Variants in TMTC1 observed in about 807,000 individuals in gnomAD.
TMTC1 encodes protein O-mannosyl-transferase TMTC1.
A neutral mutation model predicts 104.8 loss-of-function variants in TMTC1; 73 were observed. That is an observed-to-expected ratio of 0.70 (90% CI 0.58 to 0.85). The LOEUF (loss-of-function observed/expected upper bound fraction) is 0.85, where lower values mean the gene tolerates loss of function less well. Ranked by LOEUF, TMTC1 falls within the 40% of genes least tolerant of loss-of-function variation. The pLI is 0.00. For missense variants in TMTC1, 1,035 were observed against 1,096.1 expected, an observed-to-expected ratio of 0.94 and a Z score of 0.79; for synonymous variants, 434 against 428.7, an observed-to-expected ratio of 1.01 and a Z score of -0.15.
At chr12:29,541,920 G>A (rs1944811660) in intron 10 of TMTC1, among the ~76,000 whole-genome samples, 1 of 152,068 alleles carries the variant, frequency 6.6e-6, no homozygotes, top group African/African-American at 2.4e-5. Context: ...GCCTCCCAAA[G>A]TACTGGGATT....
intron 7 of TMTC1, among the ~76,000 whole-genome samples, chr12:29,594,394 G>A (rs934470459): frequency 6.6e-6 from 1 of 152,164 alleles, no homozygotes; most frequent in Non-Finnish European, 1.5e-5. Flanking sequence ...GACTGCATAG[G>A]CATAGGCCTC....
At chr12:29,634,374 T>G (rs1176590292) in intron 5 of TMTC1, among the ~76,000 whole-genome samples, 5 of 152,120 alleles carry the variant, frequency 3.3e-5, no homozygotes, top group African/African-American at 1.2e-4. Flanking sequence ...AACTTTAACT[T>G]TGAGAACTGT....
chr12:29,602,345 T>G (rs980277439), intron 7 of TMTC1, among the ~76,000 whole-genome samples: 24 of 152,242 alleles, frequency 1.6e-4, no homozygotes, highest in Non-Finnish European at 2.6e-4. Context: ...GGTCTCACCA[T>G]GTTGCCCAGG....
At chr12:29,773,874 A>G (rs1463223142) in intron 1 of TMTC1, among the ~76,000 whole-genome samples, 1 of 152,122 alleles carries the variant, frequency 6.6e-6, no homozygotes, top group African/African-American at 2.4e-5. Context: ...GTCCACCTCA[A>G]TGGCAGCATC....
chr12:29,630,190 T>C (rs1461003317), intron 6 of TMTC1, among the ~76,000 whole-genome samples: 1 of 152,204 alleles, frequency 6.6e-6, no homozygotes, highest in Admixed American at 6.5e-5. Flanking sequence ...GTTTTTATGC[T>C]GCTATGAAGA....
intron 1 of TMTC1, among the ~76,000 whole-genome samples, chr12:29,777,729 AT>A (rs1943744841): frequency 6.6e-6 from 1 of 152,002 alleles, no homozygotes; most frequent in African/African-American, 2.4e-5. Context: ...TCTTTATAAA[AT>A]TTTTCTTGCC....
At chr12:29,758,570 T>G (rs1943269656) in intron 3 of TMTC1, 134 bp downstream of exon 3, 3 of 886,624 alleles carry the variant, frequency 3.4e-6, no homozygotes, top group Non-Finnish European at 5.4e-6. Flanking sequence ...GCAGAGAGTT[T>G]CCTATTCCTG....
chr12:29,587,106 T>C (rs1013053209), intron 7 of TMTC1, among the ~76,000 whole-genome samples: 2 of 152,202 alleles, frequency 1.3e-5, no homozygotes, highest in African/African-American at 4.8e-5. Context: ...ATTGCCTCAA[T>C]TTCAGAGCCT....
chr12:29,642,502 T>C (rs1212537534), intron 5 of TMTC1, among the ~76,000 whole-genome samples: 1 of 152,054 alleles, frequency 6.6e-6, no homozygotes, highest in Admixed American at 6.6e-5. Flanking sequence ...AAGTATCATA[T>C]ATGAAGAAAA....
At chr12:29,688,551 T>G (rs1941168673) in intron 5 of TMTC1, among the ~76,000 whole-genome samples, 1 of 152,212 alleles carries the variant, frequency 6.6e-6, no homozygotes. Flanking sequence ...AAGCCAAGTC[T>G]CAGGTATCCA....
chr12:29,620,258 C>T (rs760602572), intron 6 of TMTC1, among the ~76,000 whole-genome samples: 1 of 152,086 alleles, frequency 6.6e-6, no homozygotes, highest in African/African-American at 2.4e-5. Flanking sequence ...CAGAGAGGGG[C>T]CCACACAGCT....
Position 29,556,869 on chromosome 12 carries a change from C to T in TMTC1, c.1664G>A (p.Gly555Glu). 6.2e-7 allele frequency: 1 copy of T among 1,614,042 alleles called. No homozygotes were observed. Among genetic ancestry groups the T allele is most frequent in the Non-Finnish European group, 8.5e-7 (1 of 1,179,984 alleles). ...PQHNRALFNL[G>E]NLLKSQEKKE... ...ACGTCCCACTTACTTGAGGAGATTC[C>T]CCAGATTGAAAAGAGCCCGGTTATG... The change falls in exon 10 of 18, where the codon GGG (glycine) becomes GAG (glutamate). Residue 555 changes from glycine to glutamate, a missense_variant. Transcript: ENST00000539277.
At chr12:29,757,628 G>GC (rs752636884) in intron 3 of TMTC1, among the ~76,000 whole-genome samples, 13 of 152,196 alleles carry the variant, frequency 8.5e-5, no homozygotes, top group Non-Finnish European at 1.5e-4. Context: ...TGGTTGACTT[G>GC]CCCCCCTTTT....
At chr12:29,750,062 TACACACAC>T (rs34859060) in intron 5 of TMTC1, among the ~76,000 whole-genome samples, 22 of 146,636 alleles carry the variant, frequency 1.5e-4, no homozygotes, top group Admixed American at 8.2e-4. Flanking sequence ...TAACTGTCTA[TACACACAC>T]ACACACACAC....
intron 10 of TMTC1, among the ~76,000 whole-genome samples, chr12:29,538,764 AC>A (rs201770494): frequency 0.019 from 2,866 of 152,336 alleles, 37 homozygotes; most frequent in Non-Finnish European, 0.028. Flanking sequence ...TTGATAAAAA[AC>A]ATCATCTCCA....
At chr12:29,656,011 C>T (rs893228222) in intron 5 of TMTC1, among the ~76,000 whole-genome samples, 18 of 152,198 alleles carry the variant, frequency 1.2e-4, no homozygotes, top group East Asian at 3.9e-4. Context: ...AGGAGCCAGA[C>T]GGCCATAACC....
chr12:29,665,709 T>C (rs528252928), intron 5 of TMTC1, among the ~76,000 whole-genome samples: 1 of 152,342 alleles, frequency 6.6e-6, no homozygotes, highest in Admixed American at 6.5e-5. Context: ...ATCTGTGTAC[T>C]TTCTTGTAAA....
At chr12:29,720,702 G>A (rs1343754280) in intron 5 of TMTC1, among the ~76,000 whole-genome samples, 3 of 151,864 alleles carry the variant, frequency 2.0e-5, no homozygotes, top group Non-Finnish European at 2.9e-5. Context: ...GCTTCAATAC[G>A]AGATCAAGAG....
Position 29,520,738 on chromosome 12 carries a change from C to G in TMTC1, c.1786-18G>C. 6.3e-7 allele frequency: 1 copy of G among 1,583,844 alleles called. No individual in the cohort carries two copies. Among genetic ancestry groups the G allele is most frequent in the Non-Finnish European group, 8.6e-7 (1 of 1,163,522 alleles). ...AACCGCTCCTTTAAAAAGAAAGAAA[C>G]AAACAAAATAAGTGAGAAAGCTTTC... On this transcript the variant is annotated intron_variant, in intron 11 of 17. Coordinates refer to ENST00000539277, the MANE Select transcript of TMTC1 (RefSeq NM_001193451.2).
Sources: gnomAD v4.1 joint callset for allele counts (sites outside exome capture counted in the v4.1 genomes callset) on GRCh38, gnomAD v4.1.1 for gene constraint, MANE v1.5 for transcripts, NCBI Gene and HGNC (gene_info 2026-07-23, HGNC 2026-07-21) for gene names.